The following EFHC1 variants were observed in gnomAD, a reference collection of about 807,000 sequenced individuals.
The protein encoded by EFHC1 is EF-hand domain-containing protein 1.
A neutral mutation model predicts 69.9 loss-of-function variants in EFHC1; 53 were observed. The ratio of observed to expected loss-of-function variants is 0.76; its 90% CI spans 0.61 to 0.95. The LOEUF is 0.95. Ranked by LOEUF, EFHC1 falls within the 40% of genes least tolerant of loss-of-function variation. EFHC1 has a pLI of 0.00. For synonymous variants in EFHC1, 256 were observed against 278.4 expected, an observed-to-expected ratio of 0.92 and a Z score of 0.80; for missense variants, 739 against 798.7, an observed-to-expected ratio of 0.93 and a Z score of 0.90.
rs1464592182 is a variant in EFHC1, at chr6:52,494,656, A to T, written c.*2315A>T. ...AGTATATTGCACCCAGGTAGTGAGC[A>T]TAGTGCCCAGTAAGTAGTTTTTCCA... is the stretch of plus-strand genomic sequence containing the variant. On this transcript the variant is annotated 3_prime_UTR_variant, in exon 11 of 11. Transcript: ENST00000371068. 2.2e-6 allele frequency: 1 copy of T among 454,080 alleles called. No individual in the cohort carries two copies. The highest frequency in any genetic ancestry group is 2.3e-5 in the Admixed American group (1 of 42,568). 28.1% of individuals were successfully genotyped at this position (454,080 alleles called of 1,614,324 possible).
intron 3 of EFHC1, among the ~76,000 whole-genome samples, chr6:52,448,013 G>A (rs1764824864): frequency 6.6e-6 from 1 of 152,200 alleles, no homozygotes; most frequent in African/African-American, 2.4e-5. Flanking sequence ...AGGCTACTTG[G>A]GGGTCAGGGA....
At chr6:52,485,194 C>T (rs1765761489) in intron 9 of EFHC1, 1 of 152,158 alleles carries the variant, frequency 6.6e-6, no homozygotes, top group Non-Finnish European at 1.5e-5. Context: ...ACTTCATATT[C>T]ATAGTCATAT....
At chr6:52,426,043 T>C (rs891581390) in intron 2 of EFHC1, among the ~76,000 whole-genome samples, 1 of 152,336 alleles carries the variant, frequency 6.6e-6, no homozygotes. Context: ...TCTTTCATCT[T>C]TTTCATCTTC....
rs1158644107 is a variant in EFHC1 at position 52,493,323 on chromosome 6, T to A, written c.*982T>A. The A allele has an allele frequency of 2.3e-6, 1 of 432,524 alleles. No individual in the cohort carries two copies. Among genetic ancestry groups the A allele is most frequent in the Admixed American group, 2.5e-5 (1 of 39,672 alleles). 26.8% of individuals were successfully genotyped at this position (432,524 alleles called of 1,614,324 possible). ...CTTGGGACTTGTAAGCCTTCATAAT[T>A]GTGTGAGCAATTTCTTATAACTCTC... is the stretch of plus-strand genomic sequence containing the variant. On this transcript the variant is annotated 3_prime_UTR_variant, in exon 11 of 11. Transcript: ENST00000371068.
chr6:52,445,686 T>G (rs1764768532), intron 3 of EFHC1, among the ~76,000 whole-genome samples: 1 of 152,222 alleles, frequency 6.6e-6, no homozygotes, highest in Non-Finnish European at 1.5e-5. Flanking sequence ...TGCTTTCTCT[T>G]GTGGGCATTT....
chr6:52,460,195 A>G (rs1043622883), intron 5 of EFHC1, among the ~76,000 whole-genome samples: 2 of 152,252 alleles, frequency 1.3e-5, no homozygotes, highest in African/African-American at 4.8e-5. Context: ...TTGGAATACT[A>G]CTAAAAAACA....
At chr6:52,447,506 G>C (rs573740189) in intron 3 of EFHC1, among the ~76,000 whole-genome samples, 1 of 152,210 alleles carries the variant, frequency 6.6e-6, no homozygotes, top group East Asian at 1.9e-4. Flanking sequence ...CGATGGGTTC[G>C]AACATCCTCC....
intron 4 of EFHC1, 166 bp downstream of exon 4, chr6:52,453,003 G>T (rs745861268): frequency 1.3e-6 from 2 of 1,546,164 alleles, no homozygotes; most frequent in Non-Finnish European, 1.7e-6. Flanking sequence ...AGGGTTACAG[G>T]TACAGGAATG....
At chr6:52,481,979 G>GC (rs1168437250) in intron 9 of EFHC1, 1 of 152,176 alleles carries the variant, frequency 6.6e-6, no homozygotes, top group African/African-American at 2.4e-5. Context: ...GCATAGGACT[G>GC]TAAAAAATAA....
intron 7 of EFHC1, among the ~76,000 whole-genome samples, chr6:52,470,443 G>C (rs1765412336): frequency 6.6e-6 from 1 of 152,156 alleles, no homozygotes; most frequent in East Asian, 1.9e-4. Flanking sequence ...TTAAGGGCAG[G>C]AATCATGTCC....
intron 5 of EFHC1, among the ~76,000 whole-genome samples, chr6:52,456,012 T>G (rs1476800830): frequency 6.6e-6 from 1 of 152,102 alleles, no homozygotes; most frequent in East Asian, 1.9e-4. Context: ...ATGCAAAACA[T>G]AGTACACGTA....
intron 5 of EFHC1, among the ~76,000 whole-genome samples, chr6:52,454,834 G>A (rs1259743674): frequency 2.0e-5 from 3 of 152,200 alleles, no homozygotes; most frequent in African/African-American, 7.2e-5. Flanking sequence ...GCTCACTCCT[G>A]TAATCCCAGC....
At position 52,474,350 on chromosome 6, in the gene EFHC1, A is replaced by G. The variant is rs148091236; in HGVS notation, c.1279-4687A>G. Among the ~76,000 whole-genome samples, 315 of 152,340 alleles carry G rather than the reference A, an allele frequency of 2.1e-3. 1 individual carries two copies. The highest frequency in any genetic ancestry group is 7.3e-3 in the African/African-American group (302 of 41,578). On this transcript the variant is annotated intron_variant, in intron 7 of 10. Transcript: ENST00000371068. ...ATATGAGAAGTTGCTTAGCTTCGTT[A>G]GTAACTAAAGAAGTGCAGATTACAA...
At position 52,479,720 on chromosome 6, in the gene EFHC1, C is replaced by G. The variant is rs1315134178; in HGVS notation, c.1573C>G (p.Pro525Ala). Residue 525 changes from proline to alanine, a missense_variant, in exon 9 of 11, where the codon CCA (proline) becomes GCA (alanine). Pro to Ala is a conservative substitution (Grantham distance 27, BLOSUM62 -1). Transcript: ENST00000371068. Reference protein sequence around the residue: ...YMESNAAQYSPEALASIQNHV... With the variant: ...YMESNAAQYSAEALASIQNHV... ...GGAGAGCAACGCTGCCCAGTATTCA[C>G]CAGAAGCACTCGCGTCAATTCAGAA... 6.2e-7 allele frequency: 1 copy of G among 1,614,072 alleles called. No individual in the cohort carries two copies. The highest frequency in any genetic ancestry group is 2.2e-5 in the East Asian group (1 of 44,908).
chr6:52,490,442 T>G (rs1765875479), intron 10 of EFHC1, 92 bp downstream of exon 10: 1 of 1,105,408 alleles, frequency 9.0e-7, no homozygotes, highest in African/African-American at 1.5e-5. Context: ...TCACTACAAC[T>G]GGGCCAGATT....
intron 1 of EFHC1, among the ~76,000 whole-genome samples, chr6:52,421,782 T>C (rs1426196408): frequency 6.6e-6 from 1 of 152,208 alleles, no homozygotes; most frequent in Admixed American, 6.5e-5. Flanking sequence ...GACTTTTCAG[T>C]TTTATGTAAT....
At chr6:52,436,833 G>A (rs1764542449) in intron 2 of EFHC1, among the ~76,000 whole-genome samples, 1 of 152,018 alleles carries the variant, frequency 6.6e-6, no homozygotes, top group African/African-American at 2.4e-5. Flanking sequence ...GTACAGACGG[G>A]GTTTCACCAT....
intron 9 of EFHC1, chr6:52,486,191 T>TCTAACG (rs1217287153): frequency 6.6e-6 from 1 of 152,224 alleles, no homozygotes; most frequent in Non-Finnish European, 1.5e-5. Context: ...AATTGTCAGT[T>TCTAACG]CTAAGATGAT....
At chr6:52,423,669 T>C (rs954927523) in intron 1 of EFHC1, 34 of 451,480 alleles carry the variant, frequency 7.5e-5, no homozygotes, top group Non-Finnish European at 1.1e-4. Flanking sequence ...TTTTTTTTTT[T>C]TTTTTTTTTT....
Sources: gnomAD v4.1 joint callset for allele counts (sites outside exome capture counted in the v4.1 genomes callset) on GRCh38, gnomAD v4.1.1 for gene constraint, MANE v1.5 for transcripts, NCBI Gene and HGNC (gene_info 2026-07-23, HGNC 2026-07-21) for gene names.